GALK2: variants seen among roughly 807,000 people sequenced by gnomAD.
GALK2 encodes the protein galactokinase 2.
In GALK2, 36 loss-of-function variants were observed where a neutral mutation model predicts 52.4. The ratio of observed to expected loss-of-function variants is 0.69; its 90% CI spans 0.53 to 0.91. The LOEUF (loss-of-function observed/expected upper bound fraction) is 0.91. GALK2 is among the 40% of genes least tolerant of loss of function. The pLI, the probability that GALK2 is intolerant of heterozygous loss-of-function variation, is 0.00. For missense variants in GALK2, 579 were observed against 559.1 expected, an observed-to-expected ratio of 1.04 and a Z score of -0.36; for synonymous variants, 176 against 199.1, an observed-to-expected ratio of 0.88 and a Z score of 0.98.
At chr15:49,232,466 T>G (rs2090555981) in intron 3 of GALK2, among the ~76,000 whole-genome samples, 1 of 152,258 alleles carries the variant, frequency 6.6e-6, no homozygotes, top group Non-Finnish European at 1.5e-5. Context: ...CCCCTTTGTC[T>G]TGGCCATCAG....
At chr15:49,282,599 A>C (rs1195438351) in intron 6 of GALK2, among the ~76,000 whole-genome samples, 1 of 152,196 alleles carries the variant, frequency 6.6e-6, no homozygotes, top group Non-Finnish European at 1.5e-5. Flanking sequence ...CCAGTAAGCC[A>C]GGAATGAATT....
At chr15:49,298,372 G>A (rs755685187) in intron 8 of GALK2, among the ~76,000 whole-genome samples, 1 of 152,044 alleles carries the variant, frequency 6.6e-6, no homozygotes, top group Non-Finnish European at 1.5e-5. Flanking sequence ...TAGAGAGATA[G>A]TTTGACTTCC....
At chr15:49,190,966 CTTTAAA>C (rs1375454564) in intron 1 of GALK2, among the ~76,000 whole-genome samples, 1 of 152,140 alleles carries the variant, frequency 6.6e-6, no homozygotes, top group Non-Finnish European at 1.5e-5. Flanking sequence ...AGTTAAACCC[CTTTAAA>C]TTTAACTTGA....
Position 49,330,742 on chromosome 15 carries a change from C to T in GALK2, c.*2583C>T, listed in dbSNP as rs62012165. 7.8e-6 allele frequency: 1 copy of T among 128,950 alleles called. No individual in the cohort carries two copies. Among genetic ancestry groups the T allele is most frequent in the African/African-American group, 3.4e-5 (1 of 29,212 alleles). The allele number at this position is 128,950 out of a possible 1,614,324, so 8.0% of individuals were successfully genotyped here. On this transcript the variant is annotated 3_prime_UTR_variant, in exon 10 of 10. Transcript: ENST00000560031. ...CCCTATCAATAGTAGGGAAGATAGA[C>T]CAAAAAAAAAAAAAAAGAGAGAAAG... is the stretch of plus-strand genomic sequence containing the variant.
chr15:49,295,342 T>C (rs1403792674), intron 8 of GALK2, among the ~76,000 whole-genome samples: 2 of 151,792 alleles, frequency 1.3e-5, no homozygotes, highest in East Asian at 3.9e-4. Context: ...TCTATATATA[T>C]ATATAGATAG....
intron 8 of GALK2, among the ~76,000 whole-genome samples, chr15:49,316,028 AGGATATGGCCCTAAAATGTGCTTGGATG>A (rs1431574022): frequency 2.0e-5 from 3 of 152,252 alleles, no homozygotes; most frequent in Non-Finnish European, 4.4e-5. Flanking sequence ...GTTTTATTAC[AGGATATGGCCCTAAAATGTGCTTGGATG>A]GGATATTGAA....
At chr15:49,166,785 T>C (rs2084837927), upstream of GALK2, among the ~76,000 whole-genome samples, 1 of 152,220 alleles carries the variant, frequency 6.6e-6, no homozygotes, top group Non-Finnish European at 1.5e-5. Context: ...TATTATTTAC[T>C]ATAATGAGAA....
chr15:49,172,821 T>G (rs183997726), intron 1 of GALK2, among the ~76,000 whole-genome samples: 1 of 152,250 alleles, frequency 6.6e-6, no homozygotes, highest in Non-Finnish European at 1.5e-5. Flanking sequence ...TTCTTAGCAG[T>G]TGTATCTCTT....
At chr15:49,269,402 A>G (rs2030020174) in intron 5 of GALK2, among the ~76,000 whole-genome samples, 1 of 152,142 alleles carries the variant, frequency 6.6e-6, no homozygotes, top group Admixed American at 6.5e-5. Context: ...CCTCATAAAC[A>G]TGGGGAGTAG....
upstream of GALK2, among the ~76,000 whole-genome samples, chr15:49,166,414 A>G (rs189035126): frequency 6.6e-6 from 1 of 152,162 alleles, no homozygotes; most frequent in Non-Finnish European, 1.5e-5. Context: ...AGCAGTATCT[A>G]TTTTATGAAC....
At chr15:49,235,385 G>C (rs899406789) in intron 3 of GALK2, among the ~76,000 whole-genome samples, 1 of 151,914 alleles carries the variant, frequency 6.6e-6, no homozygotes, top group Non-Finnish European at 1.5e-5. Flanking sequence ...TTGTTAAATT[G>C]ATTATGCATC....
rs568905809 is a variant in GALK2, at chr15:49,209,695, A to G, written c.143-7495A>G. Among the ~76,000 whole-genome samples the G allele has an allele frequency of 4.6e-5, 7 of 152,210 alleles. No individual in the cohort carries two copies. In the South Asian group the frequency reaches 1.4e-3, roughly 32 times the overall value. On this transcript the variant is annotated intron_variant, in intron 2 of 9. Transcript: ENST00000560031. ...TTTCTAGGATTAATCCCACTTGATC[A>G]TGGTATATAATCTTTTTATGGGCTC... is the stretch of plus-strand genomic sequence containing the variant.
chr15:49,340,604 G>A (rs1308186554), intron 3 of GALK2, among the ~76,000 whole-genome samples: 1 of 152,044 alleles, frequency 6.6e-6, no homozygotes, highest in Non-Finnish European at 1.5e-5. Flanking sequence ...ACTTTTTAAT[G>A]GGGCTATTTA....
intron 2 of GALK2, among the ~76,000 whole-genome samples, chr15:49,213,899 T>G (rs1338487211): frequency 1.3e-5 from 2 of 152,144 alleles, no homozygotes; most frequent in East Asian, 3.9e-4. Flanking sequence ...GGGTGGATCA[T>G]GGGGTCAGGA....
At chr15:49,202,265 A>G (rs113467140) in intron 2 of GALK2, among the ~76,000 whole-genome samples, 28,584 of 152,060 alleles carry the variant, frequency 0.19, 2,843 homozygotes, top group South Asian at 0.21. Context: ...TTGGCCTCCC[A>G]AAGTGCTGAG....
At chr15:49,196,058 A>G (rs1336731200) in intron 1 of GALK2, among the ~76,000 whole-genome samples, 1 of 151,990 alleles carries the variant, frequency 6.6e-6, no homozygotes, top group African/African-American at 2.4e-5. Context: ...CATATTATTA[A>G]TTCATTAGCT....
intron 8 of GALK2, among the ~76,000 whole-genome samples, chr15:49,316,974 T>C (rs574042211): frequency 6.6e-6 from 1 of 152,120 alleles, no homozygotes; most frequent in African/African-American, 2.4e-5. Context: ...GGGCTGATAG[T>C]AGGGTGGAAA....
At chr15:49,319,852 T>C (rs1455419270) in intron 9 of GALK2, 47 bp downstream of exon 9, 3 of 1,503,010 alleles carry the variant, frequency 2.0e-6, no homozygotes, top group Non-Finnish European at 2.7e-6. Context: ...AATAATATTG[T>C]TTAAATTAAT....
chr15:49,322,733 A>G (rs984867681), intron 9 of GALK2, among the ~76,000 whole-genome samples: 9 of 152,126 alleles, frequency 5.9e-5, no homozygotes, highest in East Asian at 1.9e-4. Context: ...CAAGGCGGGC[A>G]GATCATGAGG....
Sources: allele counts gnomAD v4.1 joint callset (sites outside exome capture counted in the v4.1 genomes callset), GRCh38; gene constraint gnomAD v4.1.1; transcripts MANE v1.5; gene names NCBI Gene and HGNC (gene_info 2026-07-23, HGNC 2026-07-21).